Variants in DNAH7 observed in about 807,000 individuals in gnomAD.
The protein encoded by DNAH7 is axonemal beta dynein heavy chain 7.
In DNAH7, 397 loss-of-function variants were observed where a neutral mutation model predicts 444.6. The ratio of observed to expected loss-of-function variants is 0.89; its 90% CI spans 0.82 to 0.97. The LOEUF is 0.97. Among genes scored for constraint, DNAH7 ranks in the 50% least tolerant of loss-of-function variants. DNAH7 has a pLI of 0.00. For missense variants in DNAH7, 4,902 were observed against 4,800.8 expected, an observed-to-expected ratio of 1.02 and a Z score of -0.62; for synonymous variants, 1,636 against 1,624.4, an observed-to-expected ratio of 1.01 and a Z score of -0.17.
chr2:196,016,912 A>G (rs1345294695), intron 9 of DNAH7, among the ~76,000 whole-genome samples: 2 of 152,226 alleles, frequency 1.3e-5, no homozygotes, highest in African/African-American at 2.4e-5. Flanking sequence ...GAAAATCTAT[A>G]TAAAAATTAC....
chr2:195,847,836 C>T (rs1699102610), intron 46 of DNAH7, among the ~76,000 whole-genome samples: 2 of 152,030 alleles, frequency 1.3e-5, no homozygotes, highest in Admixed American at 6.5e-5. Flanking sequence ...CGAGTGGCTA[C>T]GGCAGGGCAT....
At position 195,787,079 on chromosome 2, in the gene DNAH7, AGG is replaced by A. The variant is rs1695656666; in HGVS notation, c.10807_10808del (p.Pro3603LeufsTer2). The A allele has an allele frequency of 6.2e-7, 1 of 1,612,918 alleles. No homozygotes were observed. The highest frequency in any genetic ancestry group is 1.3e-5 in the African/African-American group (1 of 74,862). On this transcript the variant is annotated frameshift_variant, in exon 58 of 65. Transcript: ENST00000312428. LOFTEE classifies it high-confidence loss of function. ...TCAGATCTGTCTCATTGAACTCATAAGGAATATTCCACCCTAGGGGTCCAAAT... is the reference window on the plus strand; with the variant it reads ...TCAGATCTGTCTCATTGAACTCATAAAATATTCCACCCTAGGGGTCCAAAT... ...RKFGPLGWNI[P>X]YEFNETDLRI...
At chr2:195,956,130 C>T (rs991094341) in intron 19 of DNAH7, among the ~76,000 whole-genome samples, 6 of 151,982 alleles carry the variant, frequency 3.9e-5, no homozygotes, top group Non-Finnish European at 8.8e-5. Flanking sequence ...ACAGTATTAT[C>T]AATATTTCGG....
chr2:195,946,937 A>G (rs910589372), intron 19 of DNAH7, among the ~76,000 whole-genome samples: 2 of 152,056 alleles, frequency 1.3e-5, no homozygotes, highest in African/African-American at 4.8e-5. Flanking sequence ...AAGTGACTGA[A>G]AAATTCTGGA....
At chr2:195,967,953 C>T (rs1230428749) in intron 17 of DNAH7, among the ~76,000 whole-genome samples, 13 of 152,228 alleles carry the variant, frequency 8.5e-5, no homozygotes, top group Admixed American at 8.5e-4. Flanking sequence ...ACCCTTCCCT[C>T]CTCTTTCCAC....
chr2:195,928,680 T>C (rs1688496756), intron 21 of DNAH7, among the ~76,000 whole-genome samples: 1 of 151,996 alleles, frequency 6.6e-6, no homozygotes, highest in Admixed American at 6.6e-5. Context: ...AAATCAGACC[T>C]ATCCAAAAGA....
chr2:195,957,444 T>C lies in DNAH7; in HGVS notation c.2895A>G (p.Glu965=). 1 of 1,537,774 alleles carries C rather than the reference T, an allele frequency of 6.5e-7. No homozygotes were observed. Among genetic ancestry groups the C allele is most frequent in the Non-Finnish European group, 8.8e-7 (1 of 1,130,932 alleles). Residue 965 remains glutamate, a synonymous_variant, in exon 19 of 65, where the codon GAA becomes GAG. Coordinates refer to ENST00000312428, the MANE Select transcript of DNAH7 (RefSeq NM_018897.3). ...GAAGCAGTAGGAGCTTGCCCTCCCA[T>C]TCTCTGAGGAGCAAAACACAGTGGC... ...FIKPYEKQMR[E]WEGKLLLLQE...
intron 35 of DNAH7, among the ~76,000 whole-genome samples, chr2:195,883,169 C>G (rs761787716): frequency 2.0e-5 from 3 of 152,030 alleles, no homozygotes; most frequent in Non-Finnish European, 4.4e-5. Context: ...AAAACCTGGC[C>G]GGGCACGGTG....
chr2:195,919,546 T>C (rs7601623), intron 24 of DNAH7, among the ~76,000 whole-genome samples: 402 of 152,204 alleles, frequency 2.6e-3, no homozygotes, highest in Non-Finnish European at 4.3e-3. Flanking sequence ...GTTTTCACCA[T>C]GTTGGCCAGA....
intron 27 of DNAH7, chr2:195,905,357 C>A (rs940367784): frequency 6.6e-6 from 1 of 152,114 alleles, no homozygotes; most frequent in African/African-American, 2.4e-5. Context: ...AGAGGATTTA[C>A]CATTTTTCAT....
chr2:195,741,514 G>C (rs115647030), intron 63 of DNAH7, among the ~76,000 whole-genome samples: 272 of 152,290 alleles, frequency 1.8e-3, no homozygotes, highest in African/African-American at 6.4e-3. Context: ...TCATGGATTG[G>C]AGTCTGCAGG....
chr2:195,820,296 G>A (rs565973334), intron 49 of DNAH7, among the ~76,000 whole-genome samples: 12 of 151,864 alleles, frequency 7.9e-5, no homozygotes, highest in Non-Finnish European at 1.6e-4. Flanking sequence ...GGCCTGTTGG[G>A]GGGTATGAGG....
chr2:195,740,978 C>T (rs572576318), intron 63 of DNAH7, 109 bp from the exon 64 acceptor site: 81 of 479,776 alleles, frequency 1.7e-4, no homozygotes, highest in African/African-American at 1.3e-3. Flanking sequence ...ACTAGATTTG[C>T]AGCCTAAGAT....
intron 57 of DNAH7, among the ~76,000 whole-genome samples, chr2:195,791,034 T>C (rs751108625): frequency 6.6e-5 from 10 of 152,034 alleles, no homozygotes; most frequent in Non-Finnish European, 1.5e-4. Flanking sequence ...GCAGAAGACA[T>C]GAACAGACAC....
In DNAH7 at chr2:195,926,396, A is replaced by T. The variant is rs114374868; in HGVS notation, c.3612+30T>A. 1.0e-3 allele frequency: 1,462 copies of T among 1,465,194 alleles called. 11 individuals are homozygous for T. In the African/African-American group the frequency reaches 0.018, roughly 18 times the overall value. 90.8% of individuals were successfully genotyped at this position (1,465,194 alleles called of 1,614,324 possible). On this transcript the variant is annotated intron_variant, in intron 22 of 64. Transcript: ENST00000312428. ...CAATAATACTATTGAAAAAATGCTT[A>T]AAAAAACCCGAGGGTTAATAAAACC...
At position 195,957,285 on chromosome 2, in the gene DNAH7, T is replaced by A. The variant is rs1385076293; in HGVS notation, c.3054A>T (p.Arg1018Ser). 3 of 1,567,322 alleles carry A rather than the reference T, an allele frequency of 1.9e-6. No individual in the cohort carries two copies. The highest frequency in any genetic ancestry group is 2.6e-6 in the Non-Finnish European group (3 of 1,148,566). The change falls in exon 19 of 65, where the codon AGA (arginine) becomes AGT (serine). Residue 1018 changes from arginine to serine, a missense_variant. By Grantham distance (110) the Arg-to-Ser change is moderately radical. Coordinates refer to ENST00000312428, the MANE Select transcript of DNAH7 (RefSeq NM_018897.3). ...CCTGCATGACACTTCTCATTATATC[T>A]CTCCATGTCTTATCCACAGCTGTAA... ...RRFTAVDKTWRDIMRSVMQDK... is the reference protein window; with the variant it reads ...RRFTAVDKTWSDIMRSVMQDK...
intron 40 of DNAH7, among the ~76,000 whole-genome samples, chr2:195,865,572 A>C (rs1359983306): frequency 2.0e-5 from 3 of 152,160 alleles, no homozygotes; most frequent in Admixed American, 6.5e-5. Context: ...CGTTACAGAG[A>C]GCAATCTACT....
intron 10 of DNAH7, among the ~76,000 whole-genome samples, chr2:196,003,371 C>A (rs1285423428): frequency 3.3e-5 from 5 of 152,088 alleles, no homozygotes; most frequent in Non-Finnish European, 7.4e-5. Context: ...GTCTGCAGAA[C>A]TGGAAAGAGG....
intron 19 of DNAH7, among the ~76,000 whole-genome samples, chr2:195,942,413 G>GGAAGAGGAAGAAGGAA (rs1689516446): frequency 6.7e-6 from 1 of 148,942 alleles, no homozygotes; most frequent in Non-Finnish European, 1.5e-5. Context: ...ATGAAGAGGA[G>GGAAGAGGAAGAAGGAA]GAAGAGGAAG....
Sources: allele counts gnomAD v4.1 joint callset (sites outside exome capture counted in the v4.1 genomes callset), GRCh38; gene constraint gnomAD v4.1.1; transcripts MANE v1.5; gene names NCBI Gene and HGNC (gene_info 2026-07-23, HGNC 2026-07-21).